The following LRRTM4 variants were observed in gnomAD, a reference collection of about 807,000 sequenced individuals.
LRRTM4 encodes the protein leucine rich repeat transmembrane neuronal 4.
LRRTM4 carries 25 observed loss-of-function variants against 47.6 expected under a neutral mutation model. That is an observed-to-expected ratio of 0.53 (90% CI 0.38 to 0.73). The LOEUF is 0.73. Among genes scored for constraint, LRRTM4 ranks in the 30% least tolerant of loss-of-function variants. LRRTM4 has a pLI of 0.00. For missense variants in LRRTM4, 638 were observed against 713.4 expected, an observed-to-expected ratio of 0.89 and a Z score of 1.20; for synonymous variants, 311 against 269.5, an observed-to-expected ratio of 1.15 and a Z score of -1.51.
At chr2:76,926,060 A>C in intron 3 of LRRTM4, among the ~76,000 whole-genome samples, 1 of 152,148 alleles carries the variant, frequency 6.6e-6, no homozygotes, top group East Asian at 1.9e-4. Flanking sequence ...GGTCAGCCTG[A>C]CAATTCATTT....
intron 3 of LRRTM4, among the ~76,000 whole-genome samples, chr2:77,400,246 T>G (rs1388512650): frequency 6.6e-6 from 1 of 151,874 alleles, no homozygotes; most frequent in Non-Finnish European, 1.5e-5. Flanking sequence ...TTCCTGTTTT[T>G]TGCGATTTTT....
chr2:77,306,737 T>C (rs999527790), intron 3 of LRRTM4, among the ~76,000 whole-genome samples: 11 of 151,512 alleles, frequency 7.3e-5, no homozygotes, highest in African/African-American at 2.7e-4. Context: ...TTTTTCCTCC[T>C]CTCAATCAGT....
At chr2:77,220,794 CA>C (rs1674599959) in intron 3 of LRRTM4, among the ~76,000 whole-genome samples, 1 of 152,242 alleles carries the variant, frequency 6.6e-6, no homozygotes, top group Non-Finnish European at 1.5e-5. Context: ...GGATATTATC[CA>C]AGAGAACTTC....
chr2:77,341,122 A>G (rs927021927), intron 3 of LRRTM4, among the ~76,000 whole-genome samples: 3 of 151,940 alleles, frequency 2.0e-5, no homozygotes, highest in Non-Finnish European at 4.4e-5. Flanking sequence ...AATACTTAAC[A>G]TGAGTCACTC....
chr2:77,469,906 G>T (rs1677121210), intron 3 of LRRTM4, among the ~76,000 whole-genome samples: 1 of 152,000 alleles, frequency 6.6e-6, no homozygotes, highest in Non-Finnish European at 1.5e-5. Context: ...ATTTTTAAGT[G>T]ATTATTAGTT....
chr2:77,108,553 T>C (rs1481775765), intron 3 of LRRTM4, among the ~76,000 whole-genome samples: 1 of 151,574 alleles, frequency 6.6e-6, no homozygotes, highest in Non-Finnish European at 1.5e-5. Flanking sequence ...AATAGTTATT[T>C]AATTTTTTAA....
chr2:76,944,629 G>C (rs1573350163), intron 3 of LRRTM4, among the ~76,000 whole-genome samples: 1 of 152,026 alleles, frequency 6.6e-6, no homozygotes, highest in East Asian at 1.9e-4. Context: ...ACTGGGGAGG[G>C]GCAGAAGGCA....
At chr2:77,239,932 A>T (rs1000632281) in intron 3 of LRRTM4, among the ~76,000 whole-genome samples, 10 of 152,042 alleles carry the variant, frequency 6.6e-5, no homozygotes, top group African/African-American at 2.4e-4. Flanking sequence ...TACATTAATT[A>T]TTCTAATTGA....
chr2:76,910,972 G>A (rs1006951741), intron 3 of LRRTM4, among the ~76,000 whole-genome samples: 5 of 152,200 alleles, frequency 3.3e-5, no homozygotes, highest in African/African-American at 1.2e-4. Flanking sequence ...TTACTCAGAA[G>A]ATGTGGATTG....
chr2:76,960,969 A>G (rs1439364119), intron 3 of LRRTM4, among the ~76,000 whole-genome samples: 1 of 151,558 alleles, frequency 6.6e-6, no homozygotes, highest in Non-Finnish European at 1.5e-5. Flanking sequence ...ACTACAAGAT[A>G]ATTTATTTTT....
chr2:77,345,851 T>C (rs188766888), intron 3 of LRRTM4, among the ~76,000 whole-genome samples: 14 of 151,794 alleles, frequency 9.2e-5, no homozygotes, highest in Admixed American at 5.3e-4. Flanking sequence ...TATATATATA[T>C]ACACAGACAC....
chr2:77,063,841 C>G (rs946932218), intron 3 of LRRTM4, among the ~76,000 whole-genome samples: 2 of 151,996 alleles, frequency 1.3e-5, no homozygotes, highest in African/African-American at 4.8e-5. Context: ...GTTCTTCCCC[C>G]ATCCCATCAA....
chr2:77,128,463 G>A (rs907146724), intron 3 of LRRTM4, among the ~76,000 whole-genome samples: 7 of 152,022 alleles, frequency 4.6e-5, no homozygotes, highest in Non-Finnish European at 7.4e-5. Context: ...TTTTTCCATT[G>A]ATGTACCTGG....
intron 3 of LRRTM4, among the ~76,000 whole-genome samples, chr2:77,359,144 G>A (rs76174643): frequency 0.013 from 2,014 of 152,080 alleles, 37 homozygotes; most frequent in African/African-American, 0.045. Flanking sequence ...GGACTTGGTC[G>A]TAGATTTTCA....
intron 3 of LRRTM4, among the ~76,000 whole-genome samples, chr2:77,425,041 C>A (rs1445173960): frequency 6.6e-6 from 1 of 152,162 alleles, no homozygotes; most frequent in Non-Finnish European, 1.5e-5. Context: ...TATTAAAAAA[C>A]TATTCCAATT....
chr2:77,306,370 T>G (rs1003946663), intron 3 of LRRTM4, among the ~76,000 whole-genome samples: 2 of 152,216 alleles, frequency 1.3e-5, no homozygotes. Flanking sequence ...GTAACCTCCT[T>G]GCAATAGCTC....
At chr2:77,373,253 A>C (rs1271360510) in intron 3 of LRRTM4, among the ~76,000 whole-genome samples, 4 of 151,226 alleles carry the variant, frequency 2.6e-5, no homozygotes. Flanking sequence ...CTTTTTATAA[A>C]CTAAATGGGT....
chr2:77,133,016 C>T (rs902457281), intron 3 of LRRTM4, among the ~76,000 whole-genome samples: 1 of 152,102 alleles, frequency 6.6e-6, no homozygotes, highest in Admixed American at 6.6e-5. Flanking sequence ...AATATCTGCC[C>T]AGGTAAATCT....
intron 3 of LRRTM4, among the ~76,000 whole-genome samples, chr2:77,189,466 T>C (rs779988932): frequency 2.0e-5 from 3 of 152,288 alleles, no homozygotes; most frequent in Admixed American, 6.5e-5. Flanking sequence ...GTGGGGCCTC[T>C]GAGAATTAAT....
Sources: allele counts gnomAD v4.1 joint callset (sites outside exome capture counted in the v4.1 genomes callset), GRCh38; gene constraint gnomAD v4.1.1; transcripts MANE v1.5; gene names NCBI Gene and HGNC (gene_info 2026-07-23, HGNC 2026-07-21).